The following WDR49 variants were observed in gnomAD, a reference collection of about 807,000 sequenced individuals.
The protein encoded by WDR49 is WD repeat domain 49, also known as cilia- and flagella-associated protein 337.
Under a neutral mutation model 119.5 loss-of-function variants are expected in WDR49, and 107 were observed. That is an observed-to-expected ratio of 0.90 (90% CI 0.77 to 1.05). WDR49 has a LOEUF of 1.05. Ranked by LOEUF, WDR49 falls within the 50% of genes least tolerant of loss-of-function variation. The pLI is 0.00. For missense variants in WDR49, 1,240 were observed against 1,220.5 expected (o/e 1.02, Z -0.24); for synonymous variants, 425 against 418.8 (o/e 1.01, Z -0.18).
intron 18 of WDR49, among the ~76,000 whole-genome samples, chr3:167,481,253 C>G (rs1577186146): frequency 1.3e-5 from 2 of 152,158 alleles, no homozygotes; most frequent in East Asian, 3.9e-4. Context: ...ACATTGTTAC[C>G]AAGCATTTTG....
chr3:167,590,108 T>C (rs1715031320), intron 7 of WDR49, among the ~76,000 whole-genome samples: 2 of 152,110 alleles, frequency 1.3e-5, no homozygotes, highest in South Asian at 4.1e-4. Context: ...TTTTAAATCA[T>C]GAAGAGATGT....
intron 5 of WDR49, among the ~76,000 whole-genome samples, chr3:167,612,487 G>A (rs1020939186): frequency 1.3e-5 from 2 of 151,208 alleles, no homozygotes; most frequent in African/African-American, 4.9e-5. Context: ...GATCAGAGCT[G>A]AAATAAATAA....
rs1341719869 is a variant in WDR49 at position 167,596,421 on chromosome 3, G to A, written c.1275+5706C>T. Among the ~76,000 whole-genome samples, 22 of 151,726 alleles carry A rather than the reference G, an allele frequency of 1.4e-4. No individual in the cohort carries two copies. In the East Asian group the frequency reaches 3.7e-3, roughly 26 times the overall value. ...TGCTGCTATAAAGACACATGCACAC[G>A]TATGTTTACTGTGGCATTATTCACA... On this transcript the variant is annotated intron_variant, in intron 7 of 18. Coordinates refer to ENST00000682715, the MANE Select transcript of WDR49 (RefSeq NM_001366157.1).
chr3:167,523,704 T>C (rs1031556112), intron 15 of WDR49, among the ~76,000 whole-genome samples: 9 of 152,230 alleles, frequency 5.9e-5, no homozygotes, highest in Admixed American at 4.6e-4. Flanking sequence ...GCTTCATCCA[T>C]GTCCTTGCAA....
chr3:167,527,689 C>T lies in WDR49; in HGVS notation c.2604+131G>A, dbSNP rs942306723. 9.3e-5 allele frequency: 90 copies of T among 963,638 alleles called. 1 individual carries two copies. The Middle Eastern group carries it at 2.3e-3, about 25-fold the overall frequency. 59.7% of individuals were successfully genotyped at this position (963,638 alleles called of 1,614,324 possible). On this transcript the variant is annotated intron_variant, in intron 15 of 18. Transcript: ENST00000682715. ...GGGCAAGAGTCGCCTGGAGCTACTG[C>T]TTCGGAAATGTTGTCAGTTCTTTCA... is the stretch of plus-strand genomic sequence containing the variant.
intron 16 of WDR49, among the ~76,000 whole-genome samples, chr3:167,521,076 G>A (rs1752416433): frequency 6.6e-6 from 1 of 152,090 alleles, no homozygotes; most frequent in Admixed American, 6.6e-5. Flanking sequence ...GCTGTACCTG[G>A]AGTTGCAGGG....
rs1752602027 is a variant in WDR49 at position 167,525,542 on chromosome 3, C to G, written c.2604+2278G>C. Among the ~76,000 whole-genome samples the G allele has an allele frequency of 3.3e-5, 5 of 152,146 alleles. No individual in the cohort carries two copies. The South Asian group carries it at 1.0e-3, about 32-fold the overall frequency. On this transcript the variant is annotated intron_variant, in intron 15 of 18. Coordinates refer to ENST00000682715, the MANE Select transcript of WDR49 (RefSeq NM_001366157.1). ...AAGAGACACAATCAAAGTCACTGGA[C>G]ATCAAATCAATCAGATGAGGAGAGT...
chr3:167,605,904 A>C (rs1276972962), intron 5 of WDR49, among the ~76,000 whole-genome samples: 1 of 152,234 alleles, frequency 6.6e-6, no homozygotes. Context: ...GTGTCATGAC[A>C]TGCAATATTA....
chr3:167,563,189 C>T (rs1713373475), intron 8 of WDR49, among the ~76,000 whole-genome samples: 1 of 151,878 alleles, frequency 6.6e-6, no homozygotes, highest in Non-Finnish European at 1.5e-5. Context: ...CCCGTCTCTA[C>T]TAAAAATACA....
At chr3:167,495,192 C>T in intron 18 of WDR49, among the ~76,000 whole-genome samples, 1 of 151,810 alleles carries the variant, frequency 6.6e-6, no homozygotes, top group Admixed American at 6.6e-5. Flanking sequence ...AGGGATTATC[C>T]AGATTTTGGA....
chr3:167,608,726 A>C (rs1218499690), intron 5 of WDR49, among the ~76,000 whole-genome samples: 1 of 152,216 alleles, frequency 6.6e-6, no homozygotes, highest in Non-Finnish European at 1.5e-5. Flanking sequence ...TTTTAAAACT[A>C]TCAAGCTAAG....
At chr3:167,645,780 C>T (rs1484681146) in intron 2 of WDR49, among the ~76,000 whole-genome samples, 3 of 152,126 alleles carry the variant, frequency 2.0e-5, no homozygotes, top group African/African-American at 7.2e-5. Flanking sequence ...TGTTGCGATT[C>T]TCTCACACTC....
intron 8 of WDR49, among the ~76,000 whole-genome samples, chr3:167,569,271 A>G (rs561740719): frequency 2.0e-4 from 30 of 152,194 alleles, no homozygotes; most frequent in Admixed American, 3.3e-4. Context: ...CACAGTTATG[A>G]TTTAATACTG....
At chr3:167,603,161 T>C (rs1715865027) in intron 6 of WDR49, among the ~76,000 whole-genome samples, 1 of 152,156 alleles carries the variant, frequency 6.6e-6, no homozygotes, top group Non-Finnish European at 1.5e-5. Flanking sequence ...TTTAGGGAGC[T>C]CTTCCAGAGC....
intron 15 of WDR49, among the ~76,000 whole-genome samples, chr3:167,525,876 C>T (rs529569354): frequency 6.6e-6 from 1 of 151,706 alleles, no homozygotes; most frequent in African/African-American, 2.4e-5. Context: ...AAAAACTTCC[C>T]TTTTCTCCTC....
At chr3:167,486,699 C>A (rs74361390) in intron 18 of WDR49, among the ~76,000 whole-genome samples, 3,116 of 152,142 alleles carry the variant, frequency 0.02, 100 homozygotes, top group African/African-American at 0.072. Context: ...TAAATAGACA[C>A]ATACCAATCA....
intron 18 of WDR49, among the ~76,000 whole-genome samples, chr3:167,499,236 A>G (rs2108207695): frequency 6.6e-6 from 1 of 152,312 alleles, no homozygotes; most frequent in Non-Finnish European, 1.5e-5. Flanking sequence ...ATAAGAGACA[A>G]AGCAAAGAGG....
intron 18 of WDR49, among the ~76,000 whole-genome samples, chr3:167,480,280 A>T (rs954982199): frequency 2.0e-5 from 3 of 151,408 alleles, no homozygotes; most frequent in African/African-American, 7.3e-5. Flanking sequence ...AAGGAAAAAT[A>T]ATAACTACTA....
At chr3:167,584,867 T>A (rs993801497) in intron 7 of WDR49, among the ~76,000 whole-genome samples, 4 of 152,102 alleles carry the variant, frequency 2.6e-5, no homozygotes, top group Non-Finnish European at 4.4e-5. Flanking sequence ...TCTAAATTTG[T>A]GTCTAGGTTA....
Sources: allele counts gnomAD v4.1 joint callset (sites outside exome capture counted in the v4.1 genomes callset), GRCh38; gene constraint gnomAD v4.1.1; transcripts MANE v1.5; gene names NCBI Gene and HGNC (gene_info 2026-07-23, HGNC 2026-07-21).